Variants in ZC3H12B observed in about 807,000 individuals in gnomAD.
The protein encoded by ZC3H12B is zinc finger CCCH-type containing 12B, also known as probable ribonuclease ZC3H12B.
Under a neutral mutation model 43.9 loss-of-function variants are expected in ZC3H12B, and 7 were observed. That is an observed-to-expected ratio of 0.16 (90% CI 0.09 to 0.30). The LOEUF (loss-of-function observed/expected upper bound fraction) is 0.30, where lower values mean the gene tolerates loss of function less well. Among genes scored for constraint, ZC3H12B ranks in the 10% least tolerant of loss-of-function variants. ZC3H12B has a pLI of 1.00. For synonymous variants in ZC3H12B, 222 were observed against 241.7 expected (o/e 0.92, Z 0.76); for missense variants, 475 against 670.2 (o/e 0.71, Z 3.22).
At chrX:65,171,102 G>A in the ZC3H12B span, among the ~76,000 whole-genome samples, 1 of 111,118 alleles carries the variant, frequency 9.0e-6, no homozygotes, top group Non-Finnish European at 1.9e-5. Context: ...GTGTTTTTTT[G>A]GAGGAGAAGA....
At chrX:65,135,093 C>T in the ZC3H12B span, among the ~76,000 whole-genome samples, 1 of 111,237 alleles carries the variant, frequency 9.0e-6, no homozygotes, top group Non-Finnish European at 1.9e-5. Flanking sequence ...AGAGGCCTGA[C>T]AATATATATA....
chrX:65,158,978 C>T, the ZC3H12B span, among the ~76,000 whole-genome samples: 1 of 111,536 alleles, frequency 9.0e-6, no homozygotes, highest in East Asian at 2.8e-4. Context: ...TCCAGTTTCA[C>T]CTTTCTACAT....
the ZC3H12B span, among the ~76,000 whole-genome samples, chrX:65,169,539 G>T: frequency 8.9e-6 from 1 of 112,059 alleles, no homozygotes; most frequent in African/African-American, 3.2e-5. Flanking sequence ...TTCTGTAGAT[G>T]TCTATTAGAT....
At chrX:65,151,209 C>T in the ZC3H12B span, among the ~76,000 whole-genome samples, 3 of 111,851 alleles carry the variant, frequency 2.7e-5, no homozygotes, top group South Asian at 1.1e-3. Context: ...ATTAGGGTTA[C>T]ATTTCTTCCT....
intron 3 of ZC3H12B, among the ~76,000 whole-genome samples, chrX:65,481,405 C>T (rs1336458465): frequency 8.9e-6 from 1 of 111,786 alleles, no homozygotes; most frequent in African/African-American, 3.3e-5. Context: ...ACCCTCAGCA[C>T]CTAGAGCAGT....
At chrX:65,060,010 C>T in the ZC3H12B span, among the ~76,000 whole-genome samples, 1 of 112,157 alleles carries the variant, frequency 8.9e-6, no homozygotes, top group African/African-American at 3.2e-5. Flanking sequence ...ATTTCTTTTT[C>T]AGATTGTTCA....
the ZC3H12B span, among the ~76,000 whole-genome samples, chrX:65,342,101 C>A: frequency 3.6e-5 from 4 of 111,200 alleles, no homozygotes; most frequent in Non-Finnish European, 7.5e-5. Context: ...CAGAAAAAAA[C>A]AGGAGTTGCA....
chrX:65,219,334 A>G, the ZC3H12B span, among the ~76,000 whole-genome samples: 6 of 112,200 alleles, frequency 5.3e-5, no homozygotes, highest in Non-Finnish European at 9.4e-5. Context: ...CAAAAAAAGA[A>G]TTCAGAAGGT....
the ZC3H12B span, among the ~76,000 whole-genome samples, chrX:65,319,872 CTT>C: frequency 2.6e-4 from 29 of 111,474 alleles, no homozygotes; most frequent in African/African-American, 8.8e-4. Context: ...TTTAACATCT[CTT>C]CGTGTTAAAT....
intron 2 of ZC3H12B, among the ~76,000 whole-genome samples, chrX:65,396,659 TGAG>T (rs1476880384): frequency 1.8e-5 from 2 of 110,998 alleles, no homozygotes; most frequent in Non-Finnish European, 3.8e-5. Flanking sequence ...TATGTGGTGC[TGAG>T]AAGAATGTAT....
At chrX:65,287,658 G>A in the ZC3H12B span, among the ~76,000 whole-genome samples, 3 of 110,831 alleles carry the variant, frequency 2.7e-5, no homozygotes, top group Admixed American at 9.7e-5. Flanking sequence ...GAGATACATC[G>A]AAAGCAGTGG....
At chrX:65,340,553 G>A in the ZC3H12B span, among the ~76,000 whole-genome samples, 1 of 111,556 alleles carries the variant, frequency 9.0e-6, no homozygotes, top group Non-Finnish European at 1.9e-5. Flanking sequence ...CCCAATACAG[G>A]TCTCCCAGAT....
chrX:65,060,839 T>G, the ZC3H12B span, among the ~76,000 whole-genome samples: 1 of 111,697 alleles, frequency 9.0e-6, no homozygotes. Context: ...GTAGGATTGG[T>G]TATTTGTTCT....
chrX:65,406,334 G>T (rs1199513159), intron 3 of ZC3H12B, among the ~76,000 whole-genome samples: 1 of 103,967 alleles, frequency 9.6e-6, no homozygotes, highest in Non-Finnish European at 2.0e-5. Flanking sequence ...TGCAAGGATG[G>T]TCCAACATAT....
At chrX:65,283,418 C>G in the ZC3H12B span, among the ~76,000 whole-genome samples, 3 of 111,913 alleles carry the variant, frequency 2.7e-5, no homozygotes, top group Non-Finnish European at 5.6e-5. Context: ...TGGCACAAGA[C>G]AGGGATGCCC....
the ZC3H12B span, among the ~76,000 whole-genome samples, chrX:65,042,030 C>T: frequency 8.9e-6 from 1 of 111,815 alleles, no homozygotes; most frequent in African/African-American, 3.2e-5. Flanking sequence ...ATGTTATTTA[C>T]TACTTACACT....
chrX:65,253,423 G>A, the ZC3H12B span, among the ~76,000 whole-genome samples: 1 of 112,395 alleles, frequency 8.9e-6, no homozygotes, highest in Non-Finnish European at 1.9e-5. Flanking sequence ...AAGCTGCTTA[G>A]ACAGTTGATA....
At chrX:65,156,543 G>A in the ZC3H12B span, among the ~76,000 whole-genome samples, 1 of 111,099 alleles carries the variant, frequency 9.0e-6, no homozygotes, top group Non-Finnish European at 1.9e-5. Flanking sequence ...ACCACGCCTG[G>A]CTAATTTTTG....
At chrX:65,391,876 C>A (rs1352327122) in intron 2 of ZC3H12B, among the ~76,000 whole-genome samples, 1 of 111,187 alleles carries the variant, frequency 9.0e-6, no homozygotes, top group African/African-American at 3.3e-5. Context: ...CCTGATTCTC[C>A]TGCCTCAGCC....
Sources: allele counts gnomAD v4.1 joint callset (sites outside exome capture counted in the v4.1 genomes callset), GRCh38; gene constraint gnomAD v4.1.1; transcripts MANE v1.5; gene names NCBI Gene and HGNC (gene_info 2026-07-23, HGNC 2026-07-21).